The following COL8A1 variants were observed in gnomAD, a reference collection of about 807,000 sequenced individuals.
COL8A1 encodes collagen alpha-1(VIII) chain.
In COL8A1, 21 loss-of-function variants were observed where a neutral mutation model predicts 42.7. That is an observed-to-expected ratio of 0.49 (90% CI 0.35 to 0.71). COL8A1 has a LOEUF of 0.71. Ranked by LOEUF, COL8A1 falls within the 30% of genes least tolerant of loss-of-function variation. COL8A1 has a pLI of 0.01. For synonymous variants in COL8A1, 367 were observed against 369.1 expected (o/e 0.99, Z 0.06); for missense variants, 788 against 962.4 (o/e 0.82, Z 2.40).
At chr3:99,643,728 T>C (rs758323921) in intron 1 of COL8A1, among the ~76,000 whole-genome samples, 1 of 152,194 alleles carries the variant, frequency 6.6e-6, no homozygotes, top group African/African-American at 2.4e-5. Context: ...GTTCTTCCCA[T>C]ATTTACTTGA....
intron 1 of COL8A1, among the ~76,000 whole-genome samples, chr3:99,699,350 C>T (rs1292651314): frequency 6.6e-6 from 1 of 152,206 alleles, no homozygotes; most frequent in Admixed American, 6.5e-5. Flanking sequence ...TTGTAAATCA[C>T]AGCCTGTCTC....
intron 2 of COL8A1, among the ~76,000 whole-genome samples, chr3:99,750,259 G>A (rs1451422362): frequency 1.3e-5 from 2 of 151,884 alleles, no homozygotes; most frequent in Non-Finnish European, 2.9e-5. Context: ...GTTTCGCCAT[G>A]TTGGCCAGGC....
rs556173962 is a variant in COL8A1 at position 99,683,084 on chromosome 3, A to G, written c.-129+44420A>G. Among the ~76,000 whole-genome samples, 22 of 152,338 alleles carry G rather than the reference A, an allele frequency of 1.4e-4. 2 individuals are homozygous for G. The South Asian group carries it at 3.7e-3, about 26-fold the overall frequency. On this transcript the variant is annotated intron_variant, in intron 1 of 3. Coordinates refer to ENST00000652472, the MANE Select transcript of COL8A1 (RefSeq NM_020351.4). Reference sequence around the variant, plus strand: ...CTTTGTATGTTCAGAATTAAATAACATGTATGTGAAATTTTTTAAAAAGAA... The same window carrying G: ...CTTTGTATGTTCAGAATTAAATAACGTGTATGTGAAATTTTTTAAAAAGAA...
At chr3:99,691,717 A>T (rs1001796933) in intron 1 of COL8A1, 10 of 150,144 alleles carry the variant, frequency 6.7e-5, no homozygotes, top group African/African-American at 2.4e-4. Context: ...AAAAAAAAAA[A>T]AAAGCCTCTA....
chr3:99,776,526 T>G (rs1373145330), intron 2 of COL8A1, among the ~76,000 whole-genome samples: 2 of 152,112 alleles, frequency 1.3e-5, no homozygotes, highest in Non-Finnish European at 2.9e-5. Context: ...CTTCACTGAA[T>G]GTCCCCTGGT....
chr3:99,795,845 G>C lies in COL8A1; in HGVS notation c.1944G>C (p.Pro648=). 2.5e-6 allele frequency: 4 copies of C among 1,614,174 alleles called. No homozygotes were observed. Among genetic ancestry groups the C allele is most frequent in the Non-Finnish European group, 3.4e-6 (4 of 1,180,032 alleles). ...LLYNGRQNYN[P]QTGIFTCEVP... is the part of the protein sequence containing the mutation. Reference sequence around the variant, plus strand: ...ATAACGGCAGACAGAACTACAACCCGCAGACAGGCATCTTCACCTGTGAGG... The same window carrying C: ...ATAACGGCAGACAGAACTACAACCCCCAGACAGGCATCTTCACCTGTGAGG... The change falls in exon 4 of 4, where the codon CCG becomes CCC. Residue 648 remains proline, a synonymous_variant. Coordinates refer to ENST00000652472, the MANE Select transcript of COL8A1 (RefSeq NM_020351.4).
At chr3:99,648,801 C>T (rs547547793) in intron 1 of COL8A1, among the ~76,000 whole-genome samples, 1 of 152,246 alleles carries the variant, frequency 6.6e-6, no homozygotes, top group East Asian at 1.9e-4. Flanking sequence ...TTTGGCACGA[C>T]TTTTACCATA....
chr3:99,678,954 A>T (rs142737004), intron 1 of COL8A1: 26 of 152,304 alleles, frequency 1.7e-4, no homozygotes, highest in African/African-American at 5.5e-4. Context: ...ATATTGAGGG[A>T]TGAAAAGCAC....
Position 99,798,699 on chromosome 3 carries a change from G to A in COL8A1, c.*2563G>A, listed in dbSNP as rs1559640332. 6.6e-6 allele frequency: 1 copy of A among 152,138 alleles called. No homozygotes were observed. Among genetic ancestry groups the A allele is most frequent in the Non-Finnish European group, 1.5e-5 (1 of 68,030 alleles). The allele number at this position is 152,138 out of a possible 1,614,324, so 9.4% of individuals were successfully genotyped here. A position where few individuals can be genotyped will look rare whatever the true frequency, so the allele number is the denominator to read the frequency against. On this transcript the variant is annotated 3_prime_UTR_variant, in exon 4 of 4. Coordinates refer to ENST00000652472, the MANE Select transcript of COL8A1 (RefSeq NM_020351.4). ...GTGTGTATGTGTATTATCAGACATA[G>A]GTTTCTAACTTTTAGATAGAAGAGG...
In COL8A1 at chr3:99,777,730, C is replaced by G. The variant is rs143165852; in HGVS notation, c.-3-12950C>G. On this transcript the variant is annotated intron_variant, in intron 2 of 3. Transcript: ENST00000652472. ...TGTAACTGTTTCTGAGGAGTGGTAA[C>G]TTTAAAGCAAAACGAAGGAAAATTT... Among the ~76,000 whole-genome samples the G allele has an allele frequency of 2.6e-5, 4 of 152,282 alleles. No individual in the cohort carries two copies. The East Asian group carries it at 7.7e-4, about 29-fold the overall frequency.
rs1373240451 is a variant in COL8A1, at chr3:99,795,312, G to A, written c.1411G>A (p.Gly471Arg). Residue 471 changes from glycine (G) to arginine (R), a missense_variant, in exon 4 of 4, where the codon GGA becomes AGA. By Grantham distance (125) the Gly-to-Arg change is moderately radical. Around this residue, in one of 4 missense-constraint regions of COL8A1, gnomAD observed 154 missense variants for 182.3 expected, o/e 0.84. Coordinates refer to ENST00000652472, the MANE Select transcript of COL8A1 (RefSeq NM_020351.4). ...KGEAGQKGVPGLPGVPGLLGP... is the reference protein window; with the variant it reads ...KGEAGQKGVPRLPGVPGLLGP... Reference sequence around the variant, plus strand: ...GGAAGCTGGGCAAAAAGGTGTACCAGGACTCCCTGGTGTTCCAGGGCTTCT... The same window carrying A: ...GGAAGCTGGGCAAAAAGGTGTACCAAGACTCCCTGGTGTTCCAGGGCTTCT... The A allele has an allele frequency of 1.2e-6, 2 of 1,608,092 alleles. No homozygotes were observed. The highest frequency in any genetic ancestry group is 1.7e-6 in the Non-Finnish European group (2 of 1,177,226).
chr3:99,738,770 C>A (rs1438479855), intron 1 of COL8A1, among the ~76,000 whole-genome samples: 1 of 152,212 alleles, frequency 6.6e-6, no homozygotes, highest in Non-Finnish European at 1.5e-5. Context: ...AGCTTCCTGG[C>A]TGCTTTGTTT....
In COL8A1 at chr3:99,662,198, GTGAA is replaced by G. The variant is rs372854837; in HGVS notation, c.-129+23535_-129+23538del. On this transcript the variant is annotated intron_variant, in intron 1 of 3. Coordinates refer to ENST00000652472, the MANE Select transcript of COL8A1 (RefSeq NM_020351.4). ...GTGTGAGACCAGCCTGGCCAACATGGTGAAACCCCATGGCTACAAAAATTATTTT... is the reference window on the plus strand; with the variant it reads ...GTGTGAGACCAGCCTGGCCAACATGGACCCCATGGCTACAAAAATTATTTT... Among the ~76,000 whole-genome samples the G allele has an allele frequency of 2.6e-4, 39 of 152,190 alleles. 1 individual carries two copies. The highest frequency in any genetic ancestry group is 1.5e-3 in the East Asian group (8 of 5,164).
chr3:99,790,502 AT>A (rs1022830475), intron 2 of COL8A1, among the ~76,000 whole-genome samples, 177 bp from the exon 3 acceptor site: 16 of 152,042 alleles, frequency 1.1e-4, no homozygotes, highest in African/African-American at 3.9e-4. Context: ...ACTATTCTCT[AT>A]TTTTTGTTTG....
intron 2 of COL8A1, among the ~76,000 whole-genome samples, chr3:99,774,807 T>G (rs1027519126): frequency 1.3e-5 from 2 of 152,188 alleles, no homozygotes; most frequent in Non-Finnish European, 2.9e-5. Context: ...GCACTTGTTG[T>G]GTCTCAGCAC....
chr3:99,676,058 A>C (rs1368226264), intron 1 of COL8A1, among the ~76,000 whole-genome samples: 2 of 152,118 alleles, frequency 1.3e-5, no homozygotes, highest in Non-Finnish European at 2.9e-5. Flanking sequence ...AAAGACCATT[A>C]AGCTATATTA....
intron 2 of COL8A1, among the ~76,000 whole-genome samples, chr3:99,785,692 A>G (rs541448088): frequency 3.9e-5 from 6 of 152,318 alleles, no homozygotes; most frequent in African/African-American, 1.4e-4. Flanking sequence ...CTGGTAAATA[A>G]GAAGAGGCAA....
chr3:99,732,612 G>A (rs991840616), intron 1 of COL8A1, among the ~76,000 whole-genome samples: 1 of 151,988 alleles, frequency 6.6e-6, no homozygotes, highest in Non-Finnish European at 1.5e-5. Context: ...TGACACATGG[G>A]GATTACGGGA....
chr3:99,736,645 C>A (rs1211906144), intron 1 of COL8A1, among the ~76,000 whole-genome samples: 1 of 152,122 alleles, frequency 6.6e-6, no homozygotes, highest in African/African-American at 2.4e-5. Flanking sequence ...GAGAGCTTTA[C>A]TTCCAAGTAT....
Sources: gnomAD v4.1 joint callset for allele counts (sites outside exome capture counted in the v4.1 genomes callset) on GRCh38, gnomAD v4.1.1 for gene constraint, gnomAD v4.1.1 regional missense constraint, MANE v1.5 for transcripts, NCBI Gene and HGNC (gene_info 2026-07-23, HGNC 2026-07-21) for gene names.